The following FRMPD4 variants were observed in gnomAD, a reference collection of about 807,000 sequenced individuals.
FRMPD4 encodes FERM and PDZ domain containing 4, also known as FERM and PDZ domain-containing protein 4.
Under a neutral mutation model 94.1 loss-of-function variants are expected in FRMPD4, and 22 were observed. That is an observed-to-expected ratio of 0.23 (90% CI 0.17 to 0.33). The LOEUF (loss-of-function observed/expected upper bound fraction) is 0.33. Among genes scored for constraint, FRMPD4 ranks in the 10% least tolerant of loss-of-function variants. The probability of loss-of-function intolerance (pLI) is 1.00; values close to 1 mark genes in which losing one functional copy is unlikely to be tolerated. For missense variants in FRMPD4, 1,111 were observed against 1,339.9 expected (o/e 0.83, Z 2.67); for synonymous variants, 631 against 548.6 (o/e 1.15, Z -2.10).
chrX:12,301,348 T>TTGTAAA (rs1461739524), intron 1 of FRMPD4, among the ~76,000 whole-genome samples: 1 of 112,082 alleles, frequency 8.9e-6, no homozygotes, highest in African/African-American at 3.2e-5. Flanking sequence ...TTAGCAGAGC[T>TTGTAAA]TGTAAAAGTC....
chrX:12,420,615 T>C lies in FRMPD4; in HGVS notation c.42-78065T>C, dbSNP rs527891220. Among the ~76,000 whole-genome samples, 83 of 112,080 alleles carry C rather than the reference T, an allele frequency of 7.4e-4. No individual in the cohort carries two copies. The South Asian group carries it at 0.03, about 41-fold the overall frequency. ...ATCCTTCATCCTGGGCCACCATCCC[T>C]GCCCCATCCCCATTTACACCTTCTT... On this transcript the variant is annotated intron_variant, in intron 1 of 16. Coordinates refer to ENST00000675598, the MANE Select transcript of FRMPD4 (RefSeq NM_001368397.1).
chrX:12,195,143 T>G (rs1355372953), intron 1 of FRMPD4, among the ~76,000 whole-genome samples: 1 of 112,136 alleles, frequency 8.9e-6, no homozygotes, highest in Non-Finnish European at 1.9e-5. Flanking sequence ...CTTGACAGTT[T>G]ATTTCACTGA....
intron 2 of FRMPD4, among the ~76,000 whole-genome samples, chrX:12,548,926 T>G (rs1258287445): frequency 9.0e-6 from 1 of 111,583 alleles, no homozygotes; most frequent in Non-Finnish European, 1.9e-5. Context: ...TCCTTCATAA[T>G]GAGTTCCTCC....
intron 3 of FRMPD4, among the ~76,000 whole-genome samples, chrX:11,987,554 C>T (rs1420657893): frequency 1.8e-5 from 2 of 111,085 alleles, no homozygotes; most frequent in African/African-American, 6.6e-5. Context: ...CAACATAGTA[C>T]TAGAAGTCCT....
At chrX:12,676,998 G>A (rs1038801226) in intron 5 of FRMPD4, among the ~76,000 whole-genome samples, 8 of 111,608 alleles carry the variant, frequency 7.2e-5, no homozygotes, top group Admixed American at 3.8e-4. Flanking sequence ...CCTCGGCCTC[G>A]CTAAATAAAT....
chrX:12,407,027 C>T (rs1056297022), intron 1 of FRMPD4, among the ~76,000 whole-genome samples: 1 of 110,596 alleles, frequency 9.0e-6, no homozygotes, highest in Non-Finnish European at 1.9e-5. Flanking sequence ...CCTCATAGCT[C>T]CAAATCACTC....
chrX:12,194,745 T>C (rs190431704), intron 1 of FRMPD4, among the ~76,000 whole-genome samples: 73 of 112,142 alleles, frequency 6.5e-4, no homozygotes, highest in East Asian at 5.9e-3. Context: ...CTGAAAAGCC[T>C]GGATAGATCT....
At chrX:12,497,882 C>T (rs867431339) in intron 1 of FRMPD4, among the ~76,000 whole-genome samples, 3 of 110,807 alleles carry the variant, frequency 2.7e-5, no homozygotes, top group African/African-American at 3.3e-5. Context: ...ATGTTTGCTG[C>T]GGAAGAGCCA....
At chrX:12,291,038 C>G (rs1311731903) in intron 1 of FRMPD4, among the ~76,000 whole-genome samples, 10 of 111,173 alleles carry the variant, frequency 9.0e-5, no homozygotes, top group Non-Finnish European at 1.9e-4. Flanking sequence ...CTTCGATCTT[C>G]CTAGCTCCCT....
chrX:12,472,713 G>C (rs1367835729), intron 1 of FRMPD4, among the ~76,000 whole-genome samples: 2 of 111,944 alleles, frequency 1.8e-5, no homozygotes, highest in East Asian at 5.5e-4. Flanking sequence ...AAGGGTATCA[G>C]TGATAGAAGA....
At chrX:12,059,138 TAAG>T (rs1273361558) in intron 3 of FRMPD4, among the ~76,000 whole-genome samples, 2 of 111,846 alleles carry the variant, frequency 1.8e-5, no homozygotes, top group Non-Finnish European at 3.8e-5. Context: ...CACATGTGCT[TAAG>T]AAGAACGTAC....
At position 12,329,752 on chromosome X, in the gene FRMPD4, G is replaced by A. The variant is rs573542483; in HGVS notation, c.42-168928G>A. On this transcript the variant is annotated intron_variant, in intron 1 of 16. Coordinates refer to ENST00000675598, the MANE Select transcript of FRMPD4 (RefSeq NM_001368397.1). Reference sequence around the variant, plus strand: ...TCAGAGAAGCTTTCAATGCAAGGGTGCTCCTGAATCTCTTTCGTTATAATC... The same window carrying A: ...TCAGAGAAGCTTTCAATGCAAGGGTACTCCTGAATCTCTTTCGTTATAATC... 2.8e-4 allele frequency among the ~76,000 whole-genome samples: 30 copies of A among 107,541 alleles called. No individual in the cohort carries two copies. In the South Asian group the frequency reaches 0.012, roughly 42 times the overall value. 93.4% of individuals were successfully genotyped at this position (107,541 alleles called of 115,157 possible). A position where few individuals can be genotyped will look rare whatever the true frequency, so the allele number is the denominator to read the frequency against.
At chrX:12,622,007 A>AAGGAAGG (rs2059299071) in intron 4 of FRMPD4, among the ~76,000 whole-genome samples, 2 of 46,521 alleles carry the variant, frequency 4.3e-5, no homozygotes, top group Non-Finnish European at 7.4e-5. Flanking sequence ...AGAAAGAAAG[A>AAGGAAGG]AAGAAAGAAA....
intron 3 of FRMPD4, among the ~76,000 whole-genome samples, chrX:12,024,030 TCTC>T (rs1216707447): frequency 1.8e-5 from 2 of 111,654 alleles, no homozygotes; most frequent in Admixed American, 1.9e-4. Context: ...TCTTTTTACT[TCTC>T]CTTTCTTTGT....
At chrX:12,423,015 G>C (rs138753374) in intron 1 of FRMPD4, among the ~76,000 whole-genome samples, 41 of 110,956 alleles carry the variant, frequency 3.7e-4, no homozygotes, top group African/African-American at 1.2e-3. Context: ...TTGACAGCTG[G>C]GTATTTCATA....
At chrX:12,068,310 G>A (rs2054938254) in intron 3 of FRMPD4, among the ~76,000 whole-genome samples, 1 of 112,114 alleles carries the variant, frequency 8.9e-6, no homozygotes, top group Non-Finnish European at 1.9e-5. Context: ...AATTAACACT[G>A]CTTTAAGCGC....
At chrX:12,048,590 G>C (rs2054799138) in intron 3 of FRMPD4, among the ~76,000 whole-genome samples, 1 of 111,636 alleles carries the variant, frequency 9.0e-6, no homozygotes, top group South Asian at 3.7e-4. Context: ...GTGTTTCCAA[G>C]TTTTTCTTCT....
chrX:12,220,004 G>A (rs1360583348), intron 1 of FRMPD4, among the ~76,000 whole-genome samples: 1 of 111,607 alleles, frequency 9.0e-6, no homozygotes, highest in Non-Finnish European at 1.9e-5. Flanking sequence ...AGCCTGGCGT[G>A]GTGGCACATG....
At chrX:12,299,077 A>G (rs764494569) in intron 1 of FRMPD4, among the ~76,000 whole-genome samples, 7 of 112,359 alleles carry the variant, frequency 6.2e-5, no homozygotes, top group African/African-American at 2.3e-4. Context: ...TGCTTTTACT[A>G]TATGGGACTC....
Sources: allele counts gnomAD v4.1 joint callset (sites outside exome capture counted in the v4.1 genomes callset), GRCh38; gene constraint gnomAD v4.1.1; transcripts MANE v1.5; gene names NCBI Gene and HGNC (gene_info 2026-07-23, HGNC 2026-07-21).